ZFYVE1: variants seen among roughly 807,000 people sequenced by gnomAD.
ZFYVE1 encodes zinc finger FYVE-type containing 1.
ZFYVE1 carries 30 observed loss-of-function variants against 74.4 expected under a neutral mutation model. The ratio of observed to expected loss-of-function variants is 0.40; its 90% CI spans 0.30 to 0.55. The LOEUF (loss-of-function observed/expected upper bound fraction) is 0.55. Ranked by LOEUF, ZFYVE1 falls within the 20% of genes least tolerant of loss-of-function variation. ZFYVE1 has a pLI of 0.42. For missense variants in ZFYVE1, 703 were observed against 1,011.6 expected (o/e 0.69, Z 4.14); for synonymous variants, 335 against 385.1 (o/e 0.87, Z 1.52).
At chr14:73,026,027 G>A (rs12884060) in intron 1 of ZFYVE1, among the ~76,000 whole-genome samples, 22,228 of 151,512 alleles carry the variant, frequency 0.15, 1,877 homozygotes, top group South Asian at 0.24. Flanking sequence ...TTCAACTCTA[G>A]CTAGATGTAT....
At chr14:73,015,355 AGG>A (rs1567363036) in intron 2 of ZFYVE1, among the ~76,000 whole-genome samples, 1 of 71,112 alleles carries the variant, frequency 1.4e-5, no homozygotes, top group African/African-American at 6.1e-5. Context: ...AGGGGAAGGA[AGG>A]GGGAAAGGAA....
intron 4 of ZFYVE1, among the ~76,000 whole-genome samples, chr14:72,985,103 C>A (rs1180348258): frequency 6.6e-6 from 1 of 152,210 alleles, no homozygotes; most frequent in Non-Finnish European, 1.5e-5. Flanking sequence ...CAATAACTCT[C>A]CAGGCTGTTT....
rs765752530 is a variant in ZFYVE1, at chr14:72,974,068, T to C, written c.2101+12A>G. The stretch of plus-strand genomic sequence containing the variant: ...CATCCACTACCCCCAAGAGAAGCAC[T>C]GCCAGGCCCACCTAGTGGTATGTCA... On this transcript the variant is annotated intron_variant, in intron 11 of 11. Transcript: ENST00000556143. 3 of 1,613,542 alleles carry C rather than the reference T, an allele frequency of 1.9e-6. No homozygotes were observed. Among genetic ancestry groups the C allele is most frequent in the Non-Finnish European group, 2.5e-6 (3 of 1,179,530 alleles).
chr14:72,991,570 T>C (rs2140361020), intron 4 of ZFYVE1, among the ~76,000 whole-genome samples: 1 of 151,654 alleles, frequency 6.6e-6, no homozygotes, highest in Admixed American at 6.6e-5. Flanking sequence ...TCTGGCCTAT[T>C]TGCCTTATAA....
chr14:73,024,227 G>T lies in ZFYVE1; in HGVS notation c.282C>A (p.Thr94=). Residue 94 remains threonine (T), a synonymous_variant, in exon 2 of 12, where the codon ACC becomes ACA. Coordinates refer to ENST00000556143, the MANE Select transcript of ZFYVE1 (RefSeq NM_021260.4). Reference sequence around the variant, plus strand: ...ACTCCAGGCACAAGTTAATTTTGCAGGTCTGGCACCTCACTATTGCCCTCT... The same window carrying T: ...ACTCCAGGCACAAGTTAATTTTGCATGTCTGGCACCTCACTATTGCCCTCT... The part of the protein sequence containing the change: ...VRQRAIVRCQ[T]CKINLCLECQ... 2.5e-6 allele frequency: 4 copies of T among 1,614,150 alleles called. No individual in the cohort carries two copies. The highest frequency in any genetic ancestry group is 3.4e-6 in the Non-Finnish European group (4 of 1,180,032).
At chr14:73,018,283 T>C (rs1055625360) in intron 2 of ZFYVE1, among the ~76,000 whole-genome samples, 5 of 151,760 alleles carry the variant, frequency 3.3e-5, no homozygotes. Context: ...ATACAAAGAT[T>C]AGTCGGGTGT....
intron 4 of ZFYVE1, among the ~76,000 whole-genome samples, chr14:72,983,810 T>C (rs1264825664): frequency 1.3e-5 from 2 of 152,272 alleles, no homozygotes; most frequent in South Asian, 2.1e-4. Context: ...CCACCAACAG[T>C]GTAAAAGTGT....
intron 2 of ZFYVE1, among the ~76,000 whole-genome samples, chr14:73,020,264 A>AAC (rs1262701845): frequency 6.6e-6 from 1 of 151,596 alleles, no homozygotes; most frequent in Non-Finnish European, 1.5e-5. Flanking sequence ...CATCTCAAAA[A>AAC]AAAAAAAAAA....
rs530075726 is a variant in ZFYVE1, at chr14:72,987,701, G to A, written c.1203+5442C>T. ...GTATTGAATATTAATTCCTCTATTC[G>A]ATAGAGACCTGAGCATTTATTTCCT... On this transcript the variant is annotated intron_variant, in intron 4 of 11. Coordinates refer to ENST00000556143, the MANE Select transcript of ZFYVE1 (RefSeq NM_021260.4). 7.2e-5 allele frequency among the ~76,000 whole-genome samples: 11 copies of A among 152,278 alleles called. No homozygotes were observed. The South Asian group carries it at 1.9e-3, about 26-fold the overall frequency.
At position 72,975,306 on chromosome 14, in the gene ZFYVE1, G is replaced by A. The variant is rs969762014; in HGVS notation, c.1806+245C>T. 17 of 554,018 alleles carry A rather than the reference G, an allele frequency of 3.1e-5. No individual in the cohort carries two copies. Among genetic ancestry groups the A allele is most frequent in the South Asian group, 1.6e-4 (6 of 38,542 alleles). The allele number at this position is 554,018 out of a possible 1,614,324, so 34.3% of individuals were successfully genotyped here. ...CATATCTAAGCAATATTCACTGGTC[G>A]TCACACACAAGGAAACTAAAACTCA... On this transcript the variant is annotated intron_variant, in intron 9 of 11. Coordinates refer to ENST00000556143, the MANE Select transcript of ZFYVE1 (RefSeq NM_021260.4). The surrounding 1 kb of genome is among the most constrained non-coding windows in gnomAD (Gnocchi z 4.1).
At chr14:73,016,770 A>G (rs1250046642) in intron 2 of ZFYVE1, among the ~76,000 whole-genome samples, 1 of 151,766 alleles carries the variant, frequency 6.6e-6, no homozygotes, top group Admixed American at 6.6e-5. Context: ...GCTACTCAGG[A>G]GGCTGAGGCA....
At chr14:73,018,331 G>A (rs1355414774) in intron 2 of ZFYVE1, among the ~76,000 whole-genome samples, 1 of 151,016 alleles carries the variant, frequency 6.6e-6, no homozygotes, top group Non-Finnish European at 1.5e-5. Context: ...CTTGGGAGGC[G>A]GAGGAAGGAG....
chr14:72,981,391 G>A (rs193082999), intron 5 of ZFYVE1, among the ~76,000 whole-genome samples: 1 of 152,244 alleles, frequency 6.6e-6, no homozygotes, highest in East Asian at 1.9e-4. Flanking sequence ...TTGCACAGGG[G>A]GGGCACTCAA....
chr14:73,003,071 T>TTTTTTTTTTTC (rs1567357977), intron 2 of ZFYVE1, among the ~76,000 whole-genome samples: 1 of 126,430 alleles, frequency 7.9e-6, no homozygotes, highest in African/African-American at 3.0e-5. Flanking sequence ...TTTTTTTTTT[T>TTTTTTTTTTTC]TGAGACAGGA....
intron 4 of ZFYVE1, chr14:72,986,971 C>G: frequency 5.1e-6 from 5 of 985,408 alleles, no homozygotes; most frequent in Non-Finnish European, 6.0e-6. Context: ...GAAGGGCCCA[C>G]CTACCCCAAG....
At chr14:73,015,290 A>G (rs1343339532) in intron 2 of ZFYVE1, among the ~76,000 whole-genome samples, 49 of 66,746 alleles carry the variant, frequency 7.3e-4, no homozygotes, top group Admixed American at 2.5e-3. Flanking sequence ...GGAAGGAAGG[A>G]AGGAAAGAAG....
Position 73,027,008 on chromosome 14 carries a change from G to C in ZFYVE1, c.-517C>G, listed in dbSNP as rs1894478670. 6 of 398,786 alleles carry C rather than the reference G, an allele frequency of 1.5e-5. No individual in the cohort carries two copies. Among genetic ancestry groups the C allele is most frequent in the Admixed American group, 8.8e-5 (2 of 22,706 alleles). The allele number at this position is 398,786 out of a possible 1,614,324, so 24.7% of individuals were successfully genotyped here. ...GGCAGAGGCTATTCCTCAGGACACCGGCAGATCCATCCTCATCTCCATCTC... is the reference window on the plus strand; with the variant it reads ...GGCAGAGGCTATTCCTCAGGACACCCGCAGATCCATCCTCATCTCCATCTC... On this transcript the variant is annotated 5_prime_UTR_variant, in exon 1 of 12. Coordinates refer to ENST00000556143, the MANE Select transcript of ZFYVE1 (RefSeq NM_021260.4).
intron 2 of ZFYVE1, among the ~76,000 whole-genome samples, chr14:73,009,148 G>A (rs191306135): frequency 1.3e-5 from 2 of 152,184 alleles, no homozygotes; most frequent in Admixed American, 6.5e-5. Context: ...TATATCCTCT[G>A]GGGGAGGGAA....
rs1893948786 is a variant in ZFYVE1 at position 73,005,009 on chromosome 14, AG to A, written c.484-6695del. ...ACCCCGTCTCAAAAAAAAAAAAAAA[AG>A]GAGGCTATAACCATCTTTGCAGGTG... On this transcript the variant is annotated intron_variant, in intron 2 of 11. Transcript: ENST00000556143. 3.3e-5 allele frequency among the ~76,000 whole-genome samples: 5 copies of A among 151,398 alleles called. No homozygotes were observed. In the South Asian group the frequency reaches 1.0e-3, roughly 31 times the overall value.
Sources: gnomAD v4.1 joint callset for allele counts (sites outside exome capture counted in the v4.1 genomes callset) on GRCh38, gnomAD v4.1.1 for gene constraint, Gnocchi (gnomAD v3.1) non-coding constraint, MANE v1.5 for transcripts, NCBI Gene and HGNC (gene_info 2026-07-23, HGNC 2026-07-21) for gene names.